KCNAB1: variants seen among roughly 807,000 people sequenced by gnomAD.
KCNAB1 encodes the protein potassium voltage-gated channel subfamily A regulatory beta subunit 1.
Under a neutral mutation model 64.6 loss-of-function variants are expected in KCNAB1, and 35 were observed. The observed-to-expected ratio is 0.54, with a 90% CI of 0.41 to 0.72. The LOEUF is 0.72. KCNAB1 is among the 30% of genes least tolerant of loss of function. KCNAB1 has a pLI of 0.00. For missense variants in KCNAB1, 401 were observed against 512.9 expected (o/e 0.78, Z 2.11); for synonymous variants, 177 against 183.8 (o/e 0.96, Z 0.30).
At chr3:156,351,556 C>T (rs964099220) in intron 1 of KCNAB1, among the ~76,000 whole-genome samples, 5 of 152,200 alleles carry the variant, frequency 3.3e-5, no homozygotes, top group Non-Finnish European at 7.3e-5. Flanking sequence ...ACTGGCAGTG[C>T]AAACTTCTGG....
At chr3:156,393,992 A>G (rs552368213) in intron 1 of KCNAB1, among the ~76,000 whole-genome samples, 3 of 152,364 alleles carry the variant, frequency 2.0e-5, no homozygotes, top group South Asian at 4.1e-4. Flanking sequence ...TGCAGGAATT[A>G]GATGACCTGT....
At chr3:156,535,140 CT>C (rs1718968199) in intron 13 of KCNAB1, among the ~76,000 whole-genome samples, 1 of 152,152 alleles carries the variant, frequency 6.6e-6, no homozygotes. Flanking sequence ...CAAATTCTTC[CT>C]TCAGCTTCAG....
At chr3:156,477,299 T>C (rs1714437615) in intron 8 of KCNAB1, among the ~76,000 whole-genome samples, 1 of 152,190 alleles carries the variant, frequency 6.6e-6, no homozygotes, top group South Asian at 2.1e-4. Flanking sequence ...TTATATACAA[T>C]TCCACAAAGC....
At chr3:156,317,403 T>G (rs922643700) in intron 1 of KCNAB1, among the ~76,000 whole-genome samples, 1 of 152,188 alleles carries the variant, frequency 6.6e-6, no homozygotes, top group African/African-American at 2.4e-5. Flanking sequence ...TATCTCAGCC[T>G]TTAGATGAAA....
intron 1 of KCNAB1, among the ~76,000 whole-genome samples, chr3:156,205,327 A>G (rs1714588761): frequency 6.6e-6 from 1 of 152,182 alleles, no homozygotes; most frequent in South Asian, 2.1e-4. Context: ...AAGCCAAAAT[A>G]TTTTTTGGTT....
At position 156,438,763 on chromosome 3, in the gene KCNAB1, C is replaced by T. The variant is rs140811816; in HGVS notation, c.320-14136C>T. Among the ~76,000 whole-genome samples, 452 of 152,194 alleles carry T rather than the reference C, an allele frequency of 3.0e-3. 4 individuals carry two copies. The highest frequency in any genetic ancestry group is 0.011 in the African/African-American group (443 of 41,522). On this transcript the variant is annotated intron_variant, in intron 2 of 13. Coordinates refer to ENST00000490337, the MANE Select transcript of KCNAB1 (RefSeq NM_172160.3). Reference sequence around the variant, plus strand: ...GGGCGTGGTGGCTCACACCTGTAATCCCAGCACTTTGGGAGGACGAGGTGG... The same window carrying T: ...GGGCGTGGTGGCTCACACCTGTAATTCCAGCACTTTGGGAGGACGAGGTGG...
chr3:156,430,084 T>C (rs1716101762), intron 2 of KCNAB1, among the ~76,000 whole-genome samples: 1 of 152,222 alleles, frequency 6.6e-6, no homozygotes, highest in Admixed American at 6.5e-5. Context: ...TAAGAATTGC[T>C]GACAAAAAGA....
At chr3:156,428,187 C>T (rs761480779) in intron 2 of KCNAB1, among the ~76,000 whole-genome samples, 2 of 152,104 alleles carry the variant, frequency 1.3e-5, no homozygotes, top group East Asian at 1.9e-4. Context: ...TGAGTAAAGC[C>T]GATTGCCCTC....
At chr3:156,136,955 C>T (rs1178625693) in intron 1 of KCNAB1, among the ~76,000 whole-genome samples, 1 of 152,162 alleles carries the variant, frequency 6.6e-6, no homozygotes, top group African/African-American at 2.4e-5. Flanking sequence ...CAGTCTTGCC[C>T]ACAAACCCTC....
chr3:156,474,836 T>C lies in KCNAB1; in HGVS notation c.658+16T>C. 1 of 1,582,668 alleles carries C rather than the reference T, an allele frequency of 6.3e-7. No homozygotes were observed. Among genetic ancestry groups the C allele is most frequent in the South Asian group, 1.1e-5 (1 of 90,368 alleles). The stretch of plus-strand genomic sequence containing the variant: ...CCCATGGAAGGTAAGTTAAGAAAGC[T>C]AATAAAATACTCTAGAAATCTTGAT... On this transcript the variant is annotated intron_variant, in intron 8 of 13. Transcript: ENST00000490337.
rs541700345 is a variant in KCNAB1, at chr3:156,451,510, G to T, written c.320-1389G>T. Among the ~76,000 whole-genome samples the T allele has an allele frequency of 2.0e-5, 3 of 152,164 alleles. 1 individual carries two copies. Among genetic ancestry groups the T allele is most frequent in the Non-Finnish European group, 4.4e-5 (3 of 68,030 alleles). Reference sequence around the variant, plus strand: ...CCACTTATCGAGTTGGTTAATTTTCGATTCCTCATCTGGAAGTAAGCATAA... The same window carrying T: ...CCACTTATCGAGTTGGTTAATTTTCTATTCCTCATCTGGAAGTAAGCATAA... On this transcript the variant is annotated intron_variant, in intron 2 of 13. Transcript: ENST00000490337.
At chr3:156,336,483 T>C (rs1723722076) in intron 1 of KCNAB1, among the ~76,000 whole-genome samples, 1 of 152,240 alleles carries the variant, frequency 6.6e-6, no homozygotes, top group Non-Finnish European at 1.5e-5. Flanking sequence ...TCTACGGCCA[T>C]AACTCTAAAC....
chr3:156,118,449 C>A, upstream of KCNAB1: 1 of 346,680 alleles, frequency 2.9e-6, no homozygotes, highest in Non-Finnish European at 5.8e-6. Flanking sequence ...CCACGTTTTA[C>A]ATTGAAGTAG....
At chr3:156,163,665 A>C (rs1716210015) in intron 1 of KCNAB1, among the ~76,000 whole-genome samples, 1 of 152,236 alleles carries the variant, frequency 6.6e-6, no homozygotes, top group Non-Finnish European at 1.5e-5. Context: ...TGCAATGAGC[A>C]CATTCCTGGC....
At chr3:156,143,316 G>A in intron 1 of KCNAB1, 4 of 1,613,370 alleles carry the variant, frequency 2.5e-6, no homozygotes, top group Non-Finnish European at 3.4e-6. Context: ...GCAAACCTGT[G>A]AGGCCCAGTG....
intron 7 of KCNAB1, among the ~76,000 whole-genome samples, chr3:156,474,054 C>T (rs1345479078): frequency 4.6e-5 from 7 of 152,114 alleles, no homozygotes; most frequent in Non-Finnish European, 7.4e-5. Flanking sequence ...TTCTTATTCT[C>T]TCCTTCATAT....
At chr3:156,445,163 G>A (rs1243927112) in intron 2 of KCNAB1, among the ~76,000 whole-genome samples, 2 of 152,130 alleles carry the variant, frequency 1.3e-5, no homozygotes, top group African/African-American at 4.8e-5. Flanking sequence ...GGGCACGGTG[G>A]CACGCGCCTG....
chr3:156,186,028 C>T (rs1301841873), intron 1 of KCNAB1, among the ~76,000 whole-genome samples: 1 of 152,216 alleles, frequency 6.6e-6, no homozygotes, highest in African/African-American at 2.4e-5. Flanking sequence ...ATATTCTCTT[C>T]TCTGCATCTA....
At chr3:156,291,730 G>T in intron 1 of KCNAB1, 1 of 1,446,746 alleles carries the variant, frequency 6.9e-7, no homozygotes, top group Non-Finnish European at 9.1e-7. Flanking sequence ...GCAGCCCCTT[G>T]TGCCACTTTG....
Sources: allele counts gnomAD v4.1 joint callset (sites outside exome capture counted in the v4.1 genomes callset), GRCh38; gene constraint gnomAD v4.1.1; transcripts MANE v1.5; gene names NCBI Gene and HGNC (gene_info 2026-07-23, HGNC 2026-07-21).